ELOVL4: variants seen among roughly 807,000 people sequenced by gnomAD.
The protein encoded by ELOVL4 is very long chain fatty acid elongase 4.
A neutral mutation model predicts 42.1 loss-of-function variants in ELOVL4; 18 were observed. The observed-to-expected ratio is 0.43, with a 90% CI of 0.30 to 0.63. ELOVL4 has a LOEUF of 0.63. Ranked by LOEUF, ELOVL4 falls within the 30% of genes least tolerant of loss-of-function variation. The pLI is 0.15. For synonymous variants in ELOVL4, 117 were observed against 127.0 expected, an observed-to-expected ratio of 0.92 and a Z score of 0.53; for missense variants, 299 against 376.2, an observed-to-expected ratio of 0.79 and a Z score of 1.70.
intron 1 of ELOVL4, among the ~76,000 whole-genome samples, chr6:79,946,862 G>A (rs1027287681): frequency 6.6e-6 from 1 of 152,186 alleles, no homozygotes; most frequent in African/African-American, 2.4e-5. Flanking sequence ...GGGAGCACAG[G>A]GTGGGGCGGC....
At chr6:79,921,343 C>T (rs1269927540) in intron 4 of ELOVL4, among the ~76,000 whole-genome samples, 1 of 151,060 alleles carries the variant, frequency 6.6e-6, no homozygotes, top group South Asian at 2.1e-4. Context: ...TGCCTGTAGT[C>T]CCAGCTACTC....
intron 4 of ELOVL4, among the ~76,000 whole-genome samples, chr6:79,921,353 C>G (rs932910852): frequency 1.6e-4 from 24 of 146,932 alleles, no homozygotes; most frequent in African/African-American, 5.8e-4. Context: ...CCCAGCTACT[C>G]AGGAGGCTGA....
chr6:79,927,254 TATATTA>T (rs1490027234), intron 1 of ELOVL4, among the ~76,000 whole-genome samples: 4 of 151,960 alleles, frequency 2.6e-5, no homozygotes, highest in African/African-American at 7.2e-5. Flanking sequence ...ATTATAAAAA[TATATTA>T]ATATTAATTT....
At chr6:79,932,969 T>A (rs1774474862) in intron 1 of ELOVL4, among the ~76,000 whole-genome samples, 1 of 152,172 alleles carries the variant, frequency 6.6e-6, no homozygotes, top group African/African-American at 2.4e-5. Context: ...TAGAAAGACC[T>A]ACAAAAGTTC....
At chr6:79,920,300 GAAT>G (rs1219832130) in intron 4 of ELOVL4, among the ~76,000 whole-genome samples, 1 of 152,150 alleles carries the variant, frequency 6.6e-6, no homozygotes, top group African/African-American at 2.4e-5. Flanking sequence ...CTCCTCAGAG[GAAT>G]AATCTGCATC....
intron 1 of ELOVL4, among the ~76,000 whole-genome samples, chr6:79,935,242 T>C (rs1019695587): frequency 5.3e-5 from 8 of 152,166 alleles, no homozygotes; most frequent in Non-Finnish European, 1.0e-4. Flanking sequence ...AAACCTCTAA[T>C]AGACCAATTT....
intron 3 of ELOVL4, among the ~76,000 whole-genome samples, chr6:79,922,290 C>T (rs564695300): frequency 2.6e-5 from 4 of 152,218 alleles, no homozygotes; most frequent in East Asian, 1.9e-4. Flanking sequence ...CTCACCTCTC[C>T]GACTGCACCA....
At chr6:79,916,944 C>T in intron 5 of ELOVL4, 61 bp from the exon 6 acceptor site, 1 of 1,598,748 alleles carries the variant, frequency 6.3e-7, no homozygotes. Flanking sequence ...CTTTTAACAA[C>T]ATCGGCATCT....
intron 3 of ELOVL4, 25 bp from the exon 4 acceptor site, chr6:79,921,821 A>T: frequency 6.2e-7 from 1 of 1,610,442 alleles, no homozygotes; most frequent in African/African-American, 1.3e-5. Flanking sequence ...AGCGTGTTAT[A>T]AACACCAAAA....
chr6:79,919,655 G>A, intron 4 of ELOVL4, 108 bp from the exon 5 acceptor site: 1 of 1,001,052 alleles, frequency 1.0e-6, no homozygotes, highest in Non-Finnish European at 1.5e-6. Context: ...ATTTAATCTT[G>A]AGTACAGATT....
chr6:79,940,815 T>C (rs1341937601), intron 1 of ELOVL4, among the ~76,000 whole-genome samples: 2 of 152,208 alleles, frequency 1.3e-5, no homozygotes, highest in Admixed American at 6.5e-5. Context: ...AATTTTATTC[T>C]TTAATATTAT....
chr6:79,920,737 A>G (rs1262183908), intron 4 of ELOVL4, among the ~76,000 whole-genome samples: 2 of 152,228 alleles, frequency 1.3e-5, no homozygotes, highest in African/African-American at 4.8e-5. Context: ...GTTTGGCATC[A>G]ACATTATGCT....
intron 4 of ELOVL4, among the ~76,000 whole-genome samples, chr6:79,919,985 T>C (rs989734084): frequency 7.9e-5 from 12 of 152,314 alleles, no homozygotes; most frequent in Non-Finnish European, 1.5e-5. Context: ...CATTGAATAA[T>C]TCATTTAATA....
chr6:79,926,667 G>A (rs1190061058), intron 1 of ELOVL4, among the ~76,000 whole-genome samples: 1 of 152,074 alleles, frequency 6.6e-6, no homozygotes, highest in African/African-American at 2.4e-5. Flanking sequence ...AAACAGAGGT[G>A]GTTATCTTGG....
rs1362075742 is a variant in ELOVL4, at chr6:79,947,517, G to A, written c.-238C>T. 2.2e-5 allele frequency: 12 copies of A among 550,254 alleles called. No homozygotes were observed. Among genetic ancestry groups the A allele is most frequent in the Non-Finnish European group, 3.9e-5 (12 of 306,692 alleles). 34.1% of individuals were successfully genotyped at this position (550,254 alleles called of 1,614,324 possible). ...GGGAGAAAGACGAGGAGGTGGAGGA[G>A]GCCCAGCCGCCAGCACAGTGCGCTG... On this transcript the variant is annotated 5_prime_UTR_variant, in exon 1 of 6. Transcript: ENST00000369816.
At chr6:79,932,185 C>CAA (rs1196519923) in intron 1 of ELOVL4, among the ~76,000 whole-genome samples, 1 of 152,044 alleles carries the variant, frequency 6.6e-6, no homozygotes, top group African/African-American at 2.4e-5. Flanking sequence ...ATGTGTTTGT[C>CAA]AAAATTCAAA....
At chr6:79,939,591 A>T (rs1039407138) in intron 1 of ELOVL4, among the ~76,000 whole-genome samples, 1 of 151,998 alleles carries the variant, frequency 6.6e-6, no homozygotes, top group Non-Finnish European at 1.5e-5. Flanking sequence ...TGGCACAATT[A>T]TGGTTCACTG....
At chr6:79,919,204 G>T (rs909016902) in intron 5 of ELOVL4, among the ~76,000 whole-genome samples, 1 of 152,104 alleles carries the variant, frequency 6.6e-6, no homozygotes, top group Non-Finnish European at 1.5e-5. Flanking sequence ...GCTATGTCTA[G>T]TCTTTTAAGC....
At chr6:79,937,609 C>T (rs1358949611) in intron 1 of ELOVL4, among the ~76,000 whole-genome samples, 1 of 151,744 alleles carries the variant, frequency 6.6e-6, no homozygotes, top group Admixed American at 6.5e-5. Flanking sequence ...GGACACAGTG[C>T]CTGACACTTA....
Sources: allele counts gnomAD v4.1 joint callset (sites outside exome capture counted in the v4.1 genomes callset), GRCh38; gene constraint gnomAD v4.1.1; transcripts MANE v1.5; gene names NCBI Gene and HGNC (gene_info 2026-07-23, HGNC 2026-07-21).